The following MYBPC1 variants were observed in gnomAD, a reference collection of about 807,000 sequenced individuals.
MYBPC1 encodes myosin binding protein C1, also known as myosin-binding protein C, slow-type.
A neutral mutation model predicts 147.1 loss-of-function variants in MYBPC1; 52 were observed. That is an observed-to-expected ratio of 0.35 (90% confidence interval 0.28 to 0.45). The LOEUF (loss-of-function observed/expected upper bound fraction) is 0.45. MYBPC1 is among the 20% of genes least tolerant of loss of function. The pLI is 1.00. For missense variants in MYBPC1, 1,228 were observed against 1,440.3 expected, an observed-to-expected ratio of 0.85 and a Z score of 2.39; for synonymous variants, 477 against 475.9, an observed-to-expected ratio of 1.00 and a Z score of -0.03.
At chr12:101,667,632 A>T (rs1002920852) in intron 22 of MYBPC1, 100 bp from the exon 23 acceptor site, 3 of 1,335,750 alleles carry the variant, frequency 2.2e-6, no homozygotes, top group African/African-American at 1.4e-5. Flanking sequence ...ATGTATTATT[A>T]TGAGTAAAAT....
At position 101,629,600 on chromosome 12, in the gene MYBPC1, C is replaced by T. The variant is rs902522130; in HGVS notation, c.289+56C>T. On this transcript the variant is annotated intron_variant, in intron 6 of 31. Transcript: ENST00000361466. ...TTAAAAAATTAAGGTGAGCCGAGCACGGTGCCTCACGCCTGTAATCCCAGC... is the reference window on the plus strand; with the variant it reads ...TTAAAAAATTAAGGTGAGCCGAGCATGGTGCCTCACGCCTGTAATCCCAGC... The T allele has an allele frequency of 2.4e-5, 30 of 1,241,690 alleles. 1 individual carries two copies. Among genetic ancestry groups the T allele is most frequent in the South Asian group, 2.2e-4 (18 of 80,378 alleles). 76.9% of individuals were successfully genotyped at this position (1,241,690 alleles called of 1,614,324 possible).
chr12:101,661,416 G>A (rs1705974509), intron 20 of MYBPC1, among the ~76,000 whole-genome samples, 154 bp downstream of exon 20: 1 of 152,154 alleles, frequency 6.6e-6, no homozygotes, highest in South Asian at 2.1e-4. Flanking sequence ...ATGTTGAGAT[G>A]CTCTGTAATT....
chr12:101,662,666 G>A (rs1896764342), intron 21 of MYBPC1, 120 bp downstream of exon 21: 3 of 1,092,260 alleles, frequency 2.7e-6, no homozygotes, highest in Non-Finnish European at 4.1e-6. Flanking sequence ...GTGGGCAGGA[G>A]CTTGAAACAG....
At chr12:101,658,056 G>T (rs1895867218) in intron 18 of MYBPC1, among the ~76,000 whole-genome samples, 1 of 151,372 alleles carries the variant, frequency 6.6e-6, no homozygotes, top group Admixed American at 6.6e-5. Context: ...GCGTGAACCC[G>T]GGAGGCGGAG....
At chr12:101,690,572 G>C (rs181705866), downstream of MYBPC1, among the ~76,000 whole-genome samples, 607 of 152,258 alleles carry the variant, frequency 4.0e-3, 1 homozygote, top group Non-Finnish European at 6.7e-3. Context: ...TTTTAGAGCA[G>C]TAGAAGATAA....
chr12:101,647,107 C>T, intron 13 of MYBPC1: 1 of 570,978 alleles, frequency 1.8e-6, no homozygotes, highest in Non-Finnish European at 3.1e-6. Flanking sequence ...CACTATCTTG[C>T]AAAAATAATT....
At position 101,653,231 on chromosome 12, in the gene MYBPC1, T is replaced by C; in HGVS notation, c.1750T>C (p.Trp584Arg). Reference sequence around the variant, plus strand: ...CGGAGAACCACCTCCTAAAGCCATGTGGAGCCGGGGAGATAAGGTTTGTTT... The same window carrying C: ...CGGAGAACCACCTCCTAAAGCCATGCGGAGCCGGGGAGATAAGGTTTGTTT... ...ISGEPPPKAM[W>R]SRGDKAIMEG... The change falls in exon 18 of 32, where the codon TGG becomes CGG. Residue 584 changes from tryptophan to arginine, a missense_variant. Physicochemically the swap from Trp to Arg is moderately radical, Grantham distance 101 (BLOSUM62 -3). Around this residue, in one of 2 missense-constraint regions of MYBPC1, gnomAD observed 1,077 missense variants for 1,314.2 expected, o/e 0.82. Transcript: ENST00000361466. The C allele has an allele frequency of 6.2e-7, 1 of 1,614,104 alleles. No homozygotes were observed. Among genetic ancestry groups the C allele is most frequent in the Non-Finnish European group, 8.5e-7 (1 of 1,180,032 alleles).
intron 26 of MYBPC1, among the ~76,000 whole-genome samples, 180 bp from the exon 27 acceptor site, chr12:101,677,055 C>G (rs1419919983): frequency 2.0e-5 from 3 of 152,094 alleles, no homozygotes; most frequent in African/African-American, 7.2e-5. Flanking sequence ...AAATATTAAA[C>G]AAAATATACA....
At chr12:101,648,299 T>C in intron 14 of MYBPC1, 149 bp downstream of exon 14, 1 of 588,076 alleles carries the variant, frequency 1.7e-6, no homozygotes, top group Non-Finnish European at 3.0e-6. Flanking sequence ...AATAAAAGTA[T>C]ACTAATATAC....
chr12:101,636,552 G>A, intron 9 of MYBPC1, 120 bp from the exon 10 acceptor site: 1 of 791,870 alleles, frequency 1.3e-6, no homozygotes, highest in South Asian at 1.4e-5. Flanking sequence ...AATAGTTTGT[G>A]TTGATTTAGT....
Position 101,673,564 on chromosome 12 carries a change from T to A in MYBPC1, c.2751T>A (p.Asp917Glu). 1 of 1,614,112 alleles carries A rather than the reference T, an allele frequency of 6.2e-7. No homozygotes were observed. Among genetic ancestry groups the A allele is most frequent in the Non-Finnish European group, 8.5e-7 (1 of 1,180,004 alleles). Residue 917 changes from aspartate (D) to glutamate (E), a missense_variant, in exon 25 of 32, where the codon GAT (aspartate) becomes GAA (glutamate). Coordinates refer to ENST00000361466, the MANE Select transcript of MYBPC1 (RefSeq NM_002465.4). ...AGAGGAGCCACTCTGGGAAATATGA[T>A]CTGCAAGTCAAAGTGGACAAATTCG... Reference protein sequence around the residue: ...KAERSHSGKYDLQVKVDKFVE... With the variant: ...KAERSHSGKYELQVKVDKFVE...
In MYBPC1 at chr12:101,675,351, C is replaced by T. The variant is rs1241834492; in HGVS notation, c.2869C>T (p.Leu957Phe). The part of the protein sequence containing the change: ...IEDVWGENVA[L>F]TWTPPKDDGN... ...GGATGTCTGGGGAGAAAATGTCGCTCTCACATGGACTCCACCAAAGGATGA... is the reference window on the plus strand; with the variant it reads ...GGATGTCTGGGGAGAAAATGTCGCTTTCACATGGACTCCACCAAAGGATGA... Residue 957 changes from leucine (L) to phenylalanine (F), a missense_variant, in exon 26 of 32, where the codon CTC (leucine) becomes TTC (phenylalanine). By Grantham distance (22) the Leu-to-Phe change is conservative (BLOSUM62 0). Around this residue, in one of 2 missense-constraint regions of MYBPC1, gnomAD observed 1,077 missense variants for 1,314.2 expected, o/e 0.82. Transcript: ENST00000361466. 6.2e-7 allele frequency: 1 copy of T among 1,614,140 alleles called. No homozygotes were observed. Among genetic ancestry groups the T allele is most frequent in the Non-Finnish European group, 8.5e-7 (1 of 1,179,988 alleles).
At chr12:101,642,644 G>A in intron 11 of MYBPC1, 59 bp downstream of exon 11, 2 of 1,549,186 alleles carry the variant, frequency 1.3e-6, no homozygotes, top group Non-Finnish European at 1.7e-6. Flanking sequence ...CGAAAGCCTT[G>A]ACCGTGAACC....
chr12:101,679,343 A>G (rs1475533051), intron 28 of MYBPC1, among the ~76,000 whole-genome samples: 1 of 152,136 alleles, frequency 6.6e-6, no homozygotes, highest in Admixed American at 6.6e-5. Context: ...CCATACATAA[A>G]GATGCTACAT....
intron 7 of MYBPC1, 150 bp downstream of exon 7, chr12:101,631,869 C>A: frequency 7.4e-7 from 1 of 1,357,300 alleles, no homozygotes; most frequent in Non-Finnish European, 1.0e-6. Flanking sequence ...ATTGCGATTG[C>A]CCGGCTGTGT....
At chr12:101,664,855 A>T (rs187550192) in intron 22 of MYBPC1, among the ~76,000 whole-genome samples, 1 of 152,184 alleles carries the variant, frequency 6.6e-6, no homozygotes, top group Non-Finnish European at 1.5e-5. Flanking sequence ...CACTAATGCA[A>T]CAAGTAAATT....
intron 18 of MYBPC1, among the ~76,000 whole-genome samples, chr12:101,654,343 G>A (rs1410475934): frequency 6.6e-6 from 1 of 152,160 alleles, no homozygotes; most frequent in East Asian, 1.9e-4. Context: ...GACAAAATAT[G>A]TGAACAATGG....
chr12:101,648,170 T>C lies in MYBPC1; in HGVS notation c.1196+20T>C. The C allele has an allele frequency of 6.4e-7, 1 of 1,560,240 alleles. No individual in the cohort carries two copies. Among genetic ancestry groups the C allele is most frequent in the Non-Finnish European group, 8.7e-7 (1 of 1,144,712 alleles). On this transcript the variant is annotated intron_variant, in intron 14 of 31. Transcript: ENST00000361466. ...AAAATGGTAAATAGCCTTAATGAAG[T>C]CTGTCCATGTTTAATAGACAAAAAA... is the stretch of plus-strand genomic sequence containing the variant.
At chr12:101,649,199 G>T in intron 14 of MYBPC1, 61 bp from the exon 15 acceptor site, 2 of 1,458,798 alleles carry the variant, frequency 1.4e-6, no homozygotes, top group Non-Finnish European at 1.9e-6. Context: ...AAGCAAGATG[G>T]ACAAGGTATT....
Sources: allele counts gnomAD v4.1 joint callset (sites outside exome capture counted in the v4.1 genomes callset), GRCh38; gene constraint gnomAD v4.1.1; regional missense constraint gnomAD v4.1.1; transcripts MANE v1.5; gene names NCBI Gene and HGNC (gene_info 2026-07-23, HGNC 2026-07-21).